Variants in KAZN observed in about 807,000 individuals in gnomAD.
KAZN encodes the protein kazrin, periplakin interacting protein.
In KAZN, 40 loss-of-function variants were observed where a neutral mutation model predicts 87.4. That is an observed-to-expected ratio of 0.46 (90% CI 0.36 to 0.60). KAZN has a LOEUF of 0.60. Ranked by LOEUF, KAZN falls within the 20% of genes least tolerant of loss-of-function variation. The pLI is 0.00. For synonymous variants in KAZN, 466 were observed against 458.3 expected, an observed-to-expected ratio of 1.02 and a Z score of -0.22; for missense variants, 898 against 1,073.9, an observed-to-expected ratio of 0.84 and a Z score of 2.29.
intron 3 of KAZN, among the ~76,000 whole-genome samples, chr1:15,042,407 G>A (rs2100321737): frequency 6.6e-6 from 1 of 152,334 alleles, no homozygotes; most frequent in East Asian, 1.9e-4. Context: ...AAGAAAACAG[G>A]TTAGAGAGGG....
At chr1:14,718,427 G>T (rs1364969595) in intron 1 of KAZN, among the ~76,000 whole-genome samples, 1 of 152,190 alleles carries the variant, frequency 6.6e-6, no homozygotes, top group Non-Finnish European at 1.5e-5. Context: ...TCCTTGCGGG[G>T]ACTTTTCCAT....
intron 1 of KAZN, among the ~76,000 whole-genome samples, chr1:14,134,185 G>A (rs2213848): frequency 0.57 from 87,141 of 151,924 alleles, 26,280 homozygotes; most frequent in East Asian, 0.76. Flanking sequence ...TTAAGCCTGG[G>A]TAACAGAAAG....
rs1653557416 is a variant in KAZN, at chr1:14,883,318, A to AGAGAGAGAGAGAGAGAGAGAGAG, written c.227-77366_227-77365insGAGAGAGAGAGAGAGAGAGAGAG. 1.0e-4 allele frequency among the ~76,000 whole-genome samples: 4 copies of AGAGAGAGAGAGAGAGAGAGAGAG among 38,548 alleles called. 1 individual carries two copies. In the Admixed American group the frequency reaches 1.5e-3, roughly 14 times the overall value. 25.3% of individuals were successfully genotyped at this position (38,548 alleles called of 152,430 possible). On this transcript the variant is annotated intron_variant, in intron 1 of 14. Coordinates refer to ENST00000376030, the MANE Select transcript of KAZN (RefSeq NM_201628.3). ...CTCAAAAGAAAGAAAGAAAGAAAGAAAGAGAGAGAGAGAGAGAGAGAGAGA... is the reference window on the plus strand; with the variant it reads ...CTCAAAAGAAAGAAAGAAAGAAAGAAGAGAGAGAGAGAGAGAGAGAGAGAGAGAGAGAGAGAGAGAGAGAGAGA...
chr1:14,674,381 T>G (rs1010941373), intron 1 of KAZN, among the ~76,000 whole-genome samples: 2 of 152,214 alleles, frequency 1.3e-5, no homozygotes, highest in African/African-American at 2.4e-5. Flanking sequence ...TTGATCAGTT[T>G]AGTGGACTCG....
At chr1:14,826,244 GA>G (rs1343096281) in intron 1 of KAZN, among the ~76,000 whole-genome samples, 3 of 152,374 alleles carry the variant, frequency 2.0e-5, no homozygotes, top group Non-Finnish European at 4.4e-5. Flanking sequence ...GGAAAGAAGG[GA>G]AAATTTCCCA....
intron 2 of KAZN, among the ~76,000 whole-genome samples, chr1:14,405,119 C>G (rs1344333082): frequency 2.0e-5 from 3 of 152,204 alleles, no homozygotes; most frequent in Non-Finnish European, 2.9e-5. Flanking sequence ...AAAATGCTTT[C>G]AACTCAGAAC....
chr1:14,777,869 C>T (rs144053473), intron 1 of KAZN, among the ~76,000 whole-genome samples: 23 of 152,180 alleles, frequency 1.5e-4, no homozygotes, highest in African/African-American at 2.6e-4. Flanking sequence ...CCTGCATTGC[C>T]GTGGCATTTG....
chr1:14,447,236 A>G (rs1031330938), intron 2 of KAZN, among the ~76,000 whole-genome samples: 3 of 145,918 alleles, frequency 2.1e-5, no homozygotes, highest in Admixed American at 6.9e-5. Flanking sequence ...TATTATTATT[A>G]TTATTATTAT....
chr1:14,862,604 G>A (rs986053936), intron 1 of KAZN, among the ~76,000 whole-genome samples: 1 of 152,156 alleles, frequency 6.6e-6, no homozygotes, highest in African/African-American at 2.4e-5. Context: ...ATTTAAACTA[G>A]TCTTTCCAAT....
intron 1 of KAZN, among the ~76,000 whole-genome samples, chr1:14,076,463 C>A (rs1200126073): frequency 6.6e-6 from 1 of 152,140 alleles, no homozygotes; most frequent in Non-Finnish European, 1.5e-5. Flanking sequence ...TCAGAAAGAA[C>A]CACCCCTGCC....
At chr1:14,125,991 C>A (rs1247758588) in intron 1 of KAZN, among the ~76,000 whole-genome samples, 1 of 151,830 alleles carries the variant, frequency 6.6e-6, no homozygotes, top group Non-Finnish European at 1.5e-5. Context: ...TTGCGGGCAG[C>A]TCTTACCTGG....
chr1:15,103,861 C>G (rs1641196676), intron 12 of KAZN, among the ~76,000 whole-genome samples, 162 bp from the exon 13 acceptor site: 1 of 151,924 alleles, frequency 6.6e-6, no homozygotes, highest in Non-Finnish European at 1.5e-5. Context: ...GACCTCGTGG[C>G]TCTAAAAAAT....
intron 1 of KAZN, among the ~76,000 whole-genome samples, chr1:14,841,008 A>G (rs2100929738): frequency 6.6e-6 from 1 of 152,334 alleles, no homozygotes; most frequent in Non-Finnish European, 1.5e-5. Context: ...GTAAGCATGC[A>G]CACATCTGGG....
In KAZN at chr1:14,805,782, A is replaced by C. The variant is rs1034796693; in HGVS notation, c.227-154902A>C. On this transcript the variant is annotated intron_variant, in intron 1 of 14. Coordinates refer to ENST00000376030, the MANE Select transcript of KAZN (RefSeq NM_201628.3). ...TCTCAAAATAATAATAATAATAATAATAATAATAATAATAATAATAATAAA... is the reference window on the plus strand; with the variant it reads ...TCTCAAAATAATAATAATAATAATACTAATAATAATAATAATAATAATAAA... 1.1e-3 allele frequency among the ~76,000 whole-genome samples: 159 copies of C among 148,912 alleles called. 2 individuals carry two copies. Among genetic ancestry groups the C allele is most frequent in the African/African-American group, 3.6e-3 (146 of 40,812 alleles).
At chr1:14,387,996 G>A (rs915319182) in intron 2 of KAZN, among the ~76,000 whole-genome samples, 3 of 152,240 alleles carry the variant, frequency 2.0e-5, no homozygotes, top group African/African-American at 2.4e-5. Flanking sequence ...TCCGATCCAG[G>A]TGCGGGATAT....
intron 1 of KAZN, among the ~76,000 whole-genome samples, chr1:14,648,014 C>T (rs1378596636): frequency 6.6e-6 from 1 of 152,168 alleles, no homozygotes; most frequent in African/African-American, 2.4e-5. Context: ...AGGGTCATTC[C>T]CTTCTCTCCA....
chr1:14,877,918 T>A (rs1012532489), intron 1 of KAZN, among the ~76,000 whole-genome samples: 2 of 152,196 alleles, frequency 1.3e-5, no homozygotes, highest in Non-Finnish European at 2.9e-5. Flanking sequence ...GCTCCCAGTG[T>A]CTCGATGGAC....
chr1:15,043,391 T>C (rs949025293), intron 3 of KAZN, among the ~76,000 whole-genome samples: 2 of 152,220 alleles, frequency 1.3e-5, no homozygotes, highest in Non-Finnish European at 2.9e-5. Context: ...ACAAGTAGGA[T>C]TGACTCCTGC....
intron 2 of KAZN, among the ~76,000 whole-genome samples, chr1:14,547,224 T>C (rs1292093138): frequency 6.6e-6 from 1 of 152,242 alleles, no homozygotes; most frequent in Admixed American, 6.5e-5. Flanking sequence ...GCAAGCTACC[T>C]TTGGCCTATG....
Sources: gnomAD v4.1 joint callset for allele counts (sites outside exome capture counted in the v4.1 genomes callset) on GRCh38, gnomAD v4.1.1 for gene constraint, MANE v1.5 for transcripts, NCBI Gene and HGNC (gene_info 2026-07-23, HGNC 2026-07-21) for gene names.